NFIA: variants seen among roughly 807,000 people sequenced by gnomAD.
NFIA encodes the protein nuclear factor I A.
In NFIA, 8 loss-of-function variants were observed where a neutral mutation model predicts 62.8. The ratio of observed to expected loss-of-function variants is 0.13; its 90% CI spans 0.07 to 0.23. NFIA has a LOEUF of 0.23. NFIA is among the 10% of genes least tolerant of loss of function. The pLI is 1.00. For missense variants in NFIA, 410 were observed against 642.1 expected, an observed-to-expected ratio of 0.64 and a Z score of 3.91; for synonymous variants, 235 against 238.1, an observed-to-expected ratio of 0.99 and a Z score of 0.12.
intron 10 of NFIA, among the ~76,000 whole-genome samples, chr1:61,434,938 C>T (rs1255479920): frequency 3.9e-5 from 6 of 152,022 alleles, no homozygotes; most frequent in Admixed American, 3.9e-4. Flanking sequence ...AAAATGATGT[C>T]AGGAAAAGGG....
chr1:61,406,542 T>TTGGGGGGGGGGGGGG lies in NFIA; in HGVS notation c.1255-20_1255-19insTGGGGGGGGGGGGGG. ...TTCTTTTTCTTGTACGTGTGTTTTC[T>TTGGGGGGGGGGGGGG]GCCCCCCCCCCCCCCACAGCCCAAT... On this transcript the variant is annotated intron_variant, in intron 8 of 10. Transcript: ENST00000403491. 1.6e-6 allele frequency: 2 copies of TTGGGGGGGGGGGGGG among 1,253,830 alleles called. No individual in the cohort carries two copies. The highest frequency in any genetic ancestry group is 2.3e-5 in the Admixed American group (1 of 42,892). 77.7% of individuals were successfully genotyped at this position (1,253,830 alleles called of 1,614,324 possible).
At chr1:61,437,981 A>G (rs1667407364) in intron 10 of NFIA, among the ~76,000 whole-genome samples, 4 of 152,204 alleles carry the variant, frequency 2.6e-5, no homozygotes, top group Admixed American at 1.3e-4. Flanking sequence ...GATGGGAAGC[A>G]GGTGATGGGC....
chr1:61,170,398 G>T (rs1459214852), intron 2 of NFIA, among the ~76,000 whole-genome samples: 2 of 152,192 alleles, frequency 1.3e-5, no homozygotes, highest in East Asian at 3.9e-4. Flanking sequence ...TGACCTTCAA[G>T]ACGCTGTAGG....
intron 9 of NFIA, among the ~76,000 whole-genome samples, chr1:61,417,980 G>C (rs189595999): frequency 2.0e-3 from 311 of 152,218 alleles, no homozygotes; most frequent in African/African-American, 7.2e-3. Flanking sequence ...AGTTCAGAGA[G>C]GTTAACTGGC....
chr1:61,156,146 T>G (rs1648805343), intron 2 of NFIA, among the ~76,000 whole-genome samples: 1 of 152,122 alleles, frequency 6.6e-6, no homozygotes, highest in Non-Finnish European at 1.5e-5. Flanking sequence ...ATAAAAAGAA[T>G]TAAAACCCTT....
At chr1:61,376,003 C>G (rs1030186112) in intron 6 of NFIA, among the ~76,000 whole-genome samples, 1 of 152,132 alleles carries the variant, frequency 6.6e-6, no homozygotes, top group African/African-American at 2.4e-5. Context: ...CCAGTGGACC[C>G]TTTTCTGTCC....
intron 2 of NFIA, among the ~76,000 whole-genome samples, chr1:61,244,674 G>A (rs1655537243): frequency 6.6e-6 from 1 of 152,134 alleles, no homozygotes; most frequent in Non-Finnish European, 1.5e-5. Context: ...ATGTGACAGT[G>A]TTTTCATAAT....
rs1187996735 is a variant in NFIA, at chr1:61,458,218, A to G, written c.*2898A>G. The stretch of plus-strand genomic sequence containing the variant: ...TGAAAAAAAGGAAAAAAAGAAAAAA[A>G]AAAAGAAAAAATAGCAGCTTTCAGT... On this transcript the variant is annotated 3_prime_UTR_variant, in exon 11 of 11. Transcript: ENST00000403491. The G allele has an allele frequency of 6.6e-6, 1 of 152,046 alleles. No homozygotes were observed. The highest frequency in any genetic ancestry group is 1.5e-5 in the Non-Finnish European group (1 of 68,030). 9.4% of individuals were successfully genotyped at this position (152,046 alleles called of 1,614,324 possible). A position where few individuals can be genotyped will look rare whatever the true frequency, so the allele number is the denominator to read the frequency against.
In NFIA at chr1:61,413,883, C is replaced by A. The variant is rs888096696; in HGVS notation, c.1420+7156C>A. On this transcript the variant is annotated intron_variant, in intron 9 of 10. Coordinates refer to ENST00000403491, the MANE Select transcript of NFIA (RefSeq NM_001134673.4). The stretch of plus-strand genomic sequence containing the variant: ...CCTTGTGATCCACCCGCCTCAACCT[C>A]CCAAAGTGCTGGGATTACAGGCATG... Among the ~76,000 whole-genome samples the A allele has an allele frequency of 5.9e-5, 9 of 152,096 alleles. 1 individual carries two copies. The East Asian group carries it at 1.7e-3, about 29-fold the overall frequency.
At chr1:61,441,583 T>C (rs1375968090) in intron 10 of NFIA, among the ~76,000 whole-genome samples, 1 of 152,172 alleles carries the variant, frequency 6.6e-6, no homozygotes, top group Non-Finnish European at 1.5e-5. Flanking sequence ...TAAATTGAAA[T>C]TATTTAATTA....
chr1:61,189,558 G>C (rs999259960), intron 2 of NFIA, among the ~76,000 whole-genome samples: 1 of 152,050 alleles, frequency 6.6e-6, no homozygotes, highest in Non-Finnish European at 1.5e-5. Context: ...CCAGCTACTC[G>C]GGAGGCTGAG....
intron 2 of NFIA, among the ~76,000 whole-genome samples, chr1:61,129,213 C>T (rs371678298): frequency 2.0e-5 from 3 of 151,830 alleles, no homozygotes; most frequent in Non-Finnish European, 4.4e-5. Context: ...TGAGCCACCG[C>T]GCCCGGCCTA....
chr1:61,192,970 T>A (rs1651747157), intron 2 of NFIA, among the ~76,000 whole-genome samples: 1 of 152,220 alleles, frequency 6.6e-6, no homozygotes, highest in Non-Finnish European at 1.5e-5. Context: ...CTAGCTTAGA[T>A]TTTAAAATTT....
intron 2 of NFIA, among the ~76,000 whole-genome samples, chr1:61,133,772 G>A (rs1011964523): frequency 9.9e-5 from 15 of 152,204 alleles, no homozygotes; most frequent in Admixed American, 5.9e-4. Context: ...GTTTGAGGCT[G>A]TAGTGGGCTA....
At chr1:61,342,772 A>G (rs4915735) in intron 4 of NFIA, among the ~76,000 whole-genome samples, 134,990 of 152,294 alleles carry the variant, frequency 0.89, 59,868 homozygotes, top group East Asian at 0.96. Flanking sequence ...AAAGACAGCA[A>G]CACTAGAAAT....
At chr1:61,365,939 TA>T (rs1160124565) in intron 6 of NFIA, among the ~76,000 whole-genome samples, 2 of 151,870 alleles carry the variant, frequency 1.3e-5, no homozygotes, top group African/African-American at 4.8e-5. Context: ...GTCACAGGAG[TA>T]AAAGAAAAGA....
intron 9 of NFIA, among the ~76,000 whole-genome samples, chr1:61,412,392 T>C (rs987563986): frequency 2.0e-5 from 3 of 152,176 alleles, no homozygotes; most frequent in Admixed American, 6.5e-5. Flanking sequence ...GCTAATGACC[T>C]GCACCAACGT....
At chr1:61,113,500 A>G (rs1646740499) in intron 2 of NFIA, among the ~76,000 whole-genome samples, 1 of 148,524 alleles carries the variant, frequency 6.7e-6, no homozygotes, top group African/African-American at 2.5e-5. Flanking sequence ...AGGCTGAGGC[A>G]GGAGAATTGC....
intron 6 of NFIA, among the ~76,000 whole-genome samples, chr1:61,376,609 G>A (rs1346967057): frequency 6.6e-6 from 1 of 151,988 alleles, no homozygotes; most frequent in Non-Finnish European, 1.5e-5. Flanking sequence ...TTCAGAGTGG[G>A]TTTTTTTGCA....
Sources: allele counts gnomAD v4.1 joint callset (sites outside exome capture counted in the v4.1 genomes callset), GRCh38; gene constraint gnomAD v4.1.1; transcripts MANE v1.5; gene names NCBI Gene and HGNC (gene_info 2026-07-23, HGNC 2026-07-21).